Variants in CELF2 observed in about 807,000 individuals in gnomAD.
CELF2 encodes CUG triplet repeat RNA-binding protein 2.
A neutral mutation model predicts 62.6 loss-of-function variants in CELF2; 8 were observed. The observed-to-expected ratio is 0.13, with a 90% confidence interval of 0.07 to 0.23. The LOEUF is 0.23. Ranked by LOEUF, CELF2 falls within the 10% of genes least tolerant of loss-of-function variation. The pLI, the probability that CELF2 is intolerant of heterozygous loss-of-function variation, is 1.00. For missense variants in CELF2, 333 were observed against 671.0 expected (o/e 0.50, Z 5.56); for synonymous variants, 258 against 250.0 (o/e 1.03, Z -0.30).
intron 2 of CELF2, among the ~76,000 whole-genome samples, chr10:10,924,532 G>A (rs544438808): frequency 3.3e-5 from 5 of 152,134 alleles, no homozygotes; most frequent in African/African-American, 1.2e-4. Context: ...ACACAGCACC[G>A]AAAAGTCAGG....
At chr10:10,798,524 T>C (rs910663080), upstream of CELF2, 3 of 380,370 alleles carry the variant, frequency 7.9e-6, no homozygotes, top group African/African-American at 2.1e-5. Context: ...ATTTGATCAG[T>C]TGGAGCAGAT....
the CELF2 span, among the ~76,000 whole-genome samples, chr10:10,506,698 T>TTTTTTTTTTTA: frequency 7.1e-6 from 1 of 141,336 alleles, no homozygotes; most frequent in Non-Finnish European, 1.5e-5. Flanking sequence ...TTTTTTTTTT[T>TTTTTTTTTTTA]GAGATGGAGT....
At position 11,012,257 on chromosome 10, in the gene CELF2, A is replaced by G. The variant is rs1231431921; in HGVS notation, c.53+6817A>G. The stretch of plus-strand genomic sequence containing the variant: ...TTCTGATCTGCATGTACTGGATCAG[A>G]TATCTTCTGATCCTAGTGACCACGA... On this transcript the variant is annotated intron_variant, in intron 1 of 12. Coordinates refer to the CELF2 transcript ENST00000416382. The surrounding 1 kb of genome is among the most constrained non-coding windows in gnomAD (Gnocchi z 5.5). Among the ~76,000 whole-genome samples, 1 of 152,226 alleles carries G rather than the reference A, an allele frequency of 6.6e-6. No individual in the cohort carries two copies. Among genetic ancestry groups the G allele is most frequent in the African/African-American group, 2.4e-5 (1 of 41,462 alleles).
Position 11,039,436 on chromosome 10 carries a change from A to G in CELF2, c.74+21273A>G, listed in dbSNP as rs2139377150. 6.6e-6 allele frequency among the ~76,000 whole-genome samples: 1 copy of G among 152,292 alleles called. No homozygotes were observed. The highest frequency in any genetic ancestry group is 2.1e-4 in the South Asian group (1 of 4,820). On this transcript the variant is annotated intron_variant, in intron 1 of 12. Transcript: ENST00000633077. This position sits in a 1 kb window ranked among gnomAD's most constrained non-coding sequence, Gnocchi z 4.1. ...CCTACTTCTTATGCTGGTTGTGTGA[A>G]TTATACCATTAGGGTGGTGAGCTAT...
chr10:11,052,412 A>T (rs2064129906), intron 1 of CELF2, among the ~76,000 whole-genome samples: 1 of 152,120 alleles, frequency 6.6e-6, no homozygotes, highest in African/African-American at 2.4e-5. Context: ...CCTGAGATTG[A>T]AGCTTCTTTA....
the CELF2 span, among the ~76,000 whole-genome samples, chr10:10,708,187 C>T: frequency 2.6e-5 from 4 of 152,178 alleles, no homozygotes; most frequent in African/African-American, 9.7e-5. Context: ...ACCCATTGCA[C>T]AGTATTTCAT....
intron 1 of CELF2, among the ~76,000 whole-genome samples, chr10:11,047,785 G>A (rs942990699): frequency 6.6e-6 from 1 of 151,860 alleles, no homozygotes; most frequent in African/African-American, 2.4e-5. Flanking sequence ...AATTTTTCTG[G>A]GATATAGACA....
chr10:11,272,544 C>G (rs1433944757), intron 7 of CELF2, among the ~76,000 whole-genome samples: 1 of 152,194 alleles, frequency 6.6e-6, no homozygotes, highest in Non-Finnish European at 1.5e-5. Context: ...TCCTGTGCCC[C>G]CACGGCTCAC....
At chr10:11,295,643 TG>T (rs1172029632) in intron 9 of CELF2, among the ~76,000 whole-genome samples, 1 of 152,204 alleles carries the variant, frequency 6.6e-6, no homozygotes, top group Non-Finnish European at 1.5e-5. Context: ...GTTTAGCCCT[TG>T]GCCCTGCTGC....
chr10:11,226,869 A>G (rs1467362701), intron 3 of CELF2, among the ~76,000 whole-genome samples: 1 of 152,252 alleles, frequency 6.6e-6, no homozygotes, highest in Admixed American at 6.5e-5. Context: ...GAAAGTGATT[A>G]TAAATGCACC....
the CELF2 span, among the ~76,000 whole-genome samples, chr10:10,634,060 C>G: frequency 6.6e-6 from 1 of 151,980 alleles, no homozygotes; most frequent in Non-Finnish European, 1.5e-5. Flanking sequence ...TCCTGGAATT[C>G]TTACTTTTTA....
chr10:10,988,966 A>T (rs972701112), intron 2 of CELF2, among the ~76,000 whole-genome samples: 1 of 152,164 alleles, frequency 6.6e-6, no homozygotes, highest in African/African-American at 2.4e-5. Context: ...AAAAACTAAA[A>T]ATCTGTATGA....
chr10:10,703,846 G>C, the CELF2 span, among the ~76,000 whole-genome samples: 1 of 152,206 alleles, frequency 6.6e-6, no homozygotes, highest in Non-Finnish European at 1.5e-5. Flanking sequence ...AGACCTCCTT[G>C]TTTCTCGAAG....
At chr10:11,152,252 A>C (rs2132720938) in intron 1 of CELF2, among the ~76,000 whole-genome samples, 1 of 152,334 alleles carries the variant, frequency 6.6e-6, no homozygotes, top group African/African-American at 2.4e-5. Flanking sequence ...TTTGGACAGA[A>C]AGAAAAGAAC....
chr10:11,035,656 T>A (rs754888191), intron 1 of CELF2, among the ~76,000 whole-genome samples: 11 of 152,232 alleles, frequency 7.2e-5, no homozygotes, highest in Non-Finnish European at 1.5e-4. Context: ...TTGCTCTTTC[T>A]CCTACCGTGC....
intron 1 of CELF2, among the ~76,000 whole-genome samples, chr10:10,829,441 A>G (rs956777362): frequency 6.6e-6 from 1 of 152,192 alleles, no homozygotes; most frequent in African/African-American, 2.4e-5. Flanking sequence ...TCTGAGACTC[A>G]TGATCTATTA....
chr10:11,286,659 G>A (rs917499121), intron 8 of CELF2, among the ~76,000 whole-genome samples: 1 of 152,190 alleles, frequency 6.6e-6, no homozygotes, highest in Non-Finnish European at 1.5e-5. Flanking sequence ...CAACACCCAC[G>A]TTCTCATGAA....
At chr10:10,755,243 G>C in the CELF2 span, among the ~76,000 whole-genome samples, 1 of 152,154 alleles carries the variant, frequency 6.6e-6, no homozygotes, top group African/African-American at 2.4e-5. Flanking sequence ...CCAGATACTT[G>C]GGATGACAGA....
Position 11,156,620 on chromosome 10 carries a change from C to A in CELF2, c.75-8866C>A, listed in dbSNP as rs2064460034. Among the ~76,000 whole-genome samples the A allele has an allele frequency of 6.6e-6, 1 of 152,190 alleles. No individual in the cohort carries two copies. Among genetic ancestry groups the A allele is most frequent in the East Asian group, 1.9e-4 (1 of 5,200 alleles). ...TTAGTCATTGCGGTATCCCCAGCTC[C>A]TTGAATTTGTCAGACTCGCGTCATA... On this transcript the variant is annotated intron_variant, in intron 1 of 12. Transcript: ENST00000633077. The surrounding 1 kb of genome is among the most constrained non-coding windows in gnomAD (Gnocchi z 4.3).
Sources: allele counts gnomAD v4.1 joint callset (sites outside exome capture counted in the v4.1 genomes callset), GRCh38; gene constraint gnomAD v4.1.1; non-coding constraint Gnocchi (gnomAD v3.1); transcripts MANE v1.5; gene names NCBI Gene and HGNC (gene_info 2026-07-23, HGNC 2026-07-21).